GABRR1: variants seen among roughly 807,000 people sequenced by gnomAD.
The protein encoded by GABRR1 is gamma-aminobutyric acid type A receptor subunit rho1, also known as gamma-aminobutyric acid receptor subunit rho-1.
In GABRR1, 59 loss-of-function variants were observed where a neutral mutation model predicts 55.5. The ratio of observed to expected loss-of-function variants is 1.06; its 90% confidence interval spans 0.86 to 1.32. GABRR1 has a LOEUF of 1.32. Among genes scored for constraint, GABRR1 ranks in the 40% most tolerant of loss-of-function variants. GABRR1 has a pLI of 0.00. For synonymous variants in GABRR1, 213 were observed against 226.0 expected (o/e 0.94, Z 0.51); for missense variants, 602 against 619.1 (o/e 0.97, Z 0.29).
intron 7 of GABRR1, 76 bp from the exon 8 acceptor site, chr6:89,182,133 A>G: frequency 6.8e-7 from 1 of 1,468,828 alleles, no homozygotes; most frequent in Non-Finnish European, 9.4e-7. Flanking sequence ...GAAATTGTTA[A>G]GTGCCTTAGA....
At chr6:89,180,253 C>T (rs758924700) in intron 9 of GABRR1, 39 bp downstream of exon 9, 77 of 1,591,040 alleles carry the variant, frequency 4.8e-5, no homozygotes, top group Non-Finnish European at 6.4e-5. Context: ...AGATCAGGTT[C>T]CATCCTGACC....
rs539734816 is a variant in GABRR1 at position 89,207,450 on chromosome 6, C to A, written c.123-3965G>T. ...GCTCAAGCGATCTGCCCGCCTCGGCCTCCCAAAATGCTGGGATTACAAGTG... is the reference window on the plus strand; with the variant it reads ...GCTCAAGCGATCTGCCCGCCTCGGCATCCCAAAATGCTGGGATTACAAGTG... On this transcript the variant is annotated intron_variant, in intron 1 of 9. Transcript: ENST00000454853. 4.6e-5 allele frequency among the ~76,000 whole-genome samples: 7 copies of A among 152,234 alleles called. No homozygotes were observed. In the South Asian group the frequency reaches 1.0e-3, roughly 23 times the overall value.
At chr6:89,179,264 G>C (rs951310620) in intron 9 of GABRR1, among the ~76,000 whole-genome samples, 66 of 151,726 alleles carry the variant, frequency 4.3e-4, no homozygotes, top group Non-Finnish European at 8.5e-4. Flanking sequence ...CGCCCAGGCT[G>C]GAGTGCAATG....
chr6:89,214,829 A>G (rs1048184022), intron 1 of GABRR1, among the ~76,000 whole-genome samples: 1 of 152,122 alleles, frequency 6.6e-6, no homozygotes, highest in African/African-American at 2.4e-5. Context: ...GCTCGAGACC[A>G]GCCTGGGCAA....
intron 5 of GABRR1, among the ~76,000 whole-genome samples, chr6:89,193,782 C>T (rs1339326870): frequency 6.6e-6 from 1 of 152,142 alleles, no homozygotes; most frequent in East Asian, 1.9e-4. Flanking sequence ...AAACATATCA[C>T]GCCAAGATTT....
intron 5 of GABRR1, 60 bp downstream of exon 5, chr6:89,197,960 T>G (rs1405732979): frequency 4.7e-6 from 7 of 1,486,844 alleles, no homozygotes; most frequent in South Asian, 1.1e-5. Context: ...AAAACCCAAA[T>G]TGCTGTTGTG....
chr6:89,223,289 G>A (rs1186900), intron 1 of GABRR1, among the ~76,000 whole-genome samples: 39,091 of 151,984 alleles, frequency 0.26, 5,352 homozygotes, highest in Admixed American at 0.34. Flanking sequence ...TATGAGTGAG[G>A]ACATACAATG....
chr6:89,217,434 T>C (rs549750732), upstream of GABRR1: 27 of 1,273,870 alleles, frequency 2.1e-5, no homozygotes, highest in South Asian at 2.2e-4. Context: ...TGTTTACTCA[T>C]GCAAAAAAAA....
chr6:89,197,123 T>C (rs116062368), intron 5 of GABRR1, among the ~76,000 whole-genome samples: 2,620 of 152,226 alleles, frequency 0.017, 86 homozygotes, highest in African/African-American at 0.058. Context: ...AAATATTCCT[T>C]TGGGGAATGG....
Position 89,203,539 on chromosome 6 carries a change from TCAAC to T in GABRR1, c.123-58_123-55del. ...TGTAGAGAAAGTCTAGGTACTCAGA[TCAAC>T]CAAGCACCCCTCTCCCTCCAGATTT... On this transcript the variant is annotated intron_variant, in intron 1 of 9. Coordinates refer to ENST00000454853, the MANE Select transcript of GABRR1 (RefSeq NM_002042.5). 3 of 1,300,176 alleles carry T rather than the reference TCAAC, an allele frequency of 2.3e-6. 1 individual carries two copies. The South Asian group carries it at 3.5e-5, about 15-fold the overall frequency. 80.5% of individuals were successfully genotyped at this position (1,300,176 alleles called of 1,614,324 possible). A position where few individuals can be genotyped will look rare whatever the true frequency, so the allele number is the denominator to read the frequency against.
At chr6:89,201,109 A>G (rs913982686) in intron 3 of GABRR1, 50 bp downstream of exon 3, 4 of 1,397,360 alleles carry the variant, frequency 2.9e-6, no homozygotes, top group East Asian at 2.3e-5. Flanking sequence ...TCCTGCCCAC[A>G]GACAGAGGAC....
chr6:89,182,059 TG>T lies in GABRR1; in HGVS notation c.797-3del, dbSNP rs1267335290. ...TAATGTAGAGACGGTTGTACCAGCC[TG>T]GGGGACACAGGAATAAAAGACAGTA... On this transcript the variant is annotated splice_region_variant and splice_polypyrimidine_tract_variant and intron_variant, in intron 7 of 9. Coordinates refer to ENST00000454853, the MANE Select transcript of GABRR1 (RefSeq NM_002042.5). 4.3e-6 allele frequency: 7 copies of T among 1,613,746 alleles called. No homozygotes were observed. Among genetic ancestry groups the T allele is most frequent in the Admixed American group, 1.7e-5 (1 of 59,978 alleles).
intron 5 of GABRR1, among the ~76,000 whole-genome samples, chr6:89,196,652 C>T (rs570790988): frequency 4.1e-4 from 63 of 152,010 alleles, no homozygotes; most frequent in African/African-American, 1.4e-3. Flanking sequence ...TGACACATGC[C>T]TTTGGTCCCA....
chr6:89,194,291 C>T (rs889646714), intron 5 of GABRR1, among the ~76,000 whole-genome samples: 6 of 152,200 alleles, frequency 3.9e-5, no homozygotes, highest in African/African-American at 1.4e-4. Flanking sequence ...TCAGGACCTC[C>T]CCCATTCGGG....
chr6:89,230,993 A>C lies in GABRR1; in HGVS notation c.-411+223T>G, dbSNP rs1324023509. Among the ~76,000 whole-genome samples the C allele has an allele frequency of 8.4e-4, 128 of 151,912 alleles. 1 individual carries two copies. Among genetic ancestry groups the C allele is most frequent in the Non-Finnish European group, 1.5e-3 (103 of 67,962 alleles). On this transcript the variant is annotated intron_variant, in intron 1 of 11. Transcript: ENST00000369451. ...CGCCGTTTTTTAAGCCGGTCTGAAA[A>C]GCGCAATATTCGGGTGGGAGTGACC...
chr6:89,201,248 C>T lies in GABRR1; in HGVS notation c.191G>A (p.Ser64Asn). Reference protein sequence around the residue: ...HKQVSPILRRSPDITKSPLTK... With the variant: ...HKQVSPILRRNPDITKSPLTK... ...CAGAGGCGATTTGGTGATGTCAGGACTTCGTCTCAGAATTGGGCTGCCAAG... is the reference window on the plus strand; with the variant it reads ...CAGAGGCGATTTGGTGATGTCAGGATTTCGTCTCAGAATTGGGCTGCCAAG... The change falls in exon 3 of 10, where the codon AGT (serine) becomes AAT (asparagine). Residue 64 changes from serine to asparagine, a missense_variant. By Grantham distance (46) the Ser-to-Asn change is conservative. Coordinates refer to ENST00000454853, the MANE Select transcript of GABRR1 (RefSeq NM_002042.5). The T allele has an allele frequency of 6.2e-7, 1 of 1,614,048 alleles. No homozygotes were observed. Among genetic ancestry groups the T allele is most frequent in the Non-Finnish European group, 8.5e-7 (1 of 1,179,896 alleles).
At chr6:89,179,291 C>G (rs1214813034) in intron 9 of GABRR1, among the ~76,000 whole-genome samples, 2 of 152,088 alleles carry the variant, frequency 1.3e-5, no homozygotes. Context: ...TCAATCTCAG[C>G]TCACTGCAAC....
At chr6:89,184,395 G>A (rs1279534339) in intron 7 of GABRR1, among the ~76,000 whole-genome samples, 1 of 148,150 alleles carries the variant, frequency 6.7e-6, no homozygotes, top group African/African-American at 2.5e-5. Context: ...GCTCCCAGGA[G>A]AAAGGTCACA....
chr6:89,203,534 T>C (rs1388400067), intron 1 of GABRR1, 49 bp from the exon 2 acceptor site: 2 of 1,367,404 alleles, frequency 1.5e-6, no homozygotes, highest in African/African-American at 1.4e-5. Context: ...GTCTAGGTAC[T>C]CAGATCAACC....
Sources: allele counts gnomAD v4.1 joint callset (sites outside exome capture counted in the v4.1 genomes callset), GRCh38; gene constraint gnomAD v4.1.1; transcripts MANE v1.5; gene names NCBI Gene and HGNC (gene_info 2026-07-23, HGNC 2026-07-21).